Variants in NAIP observed in about 807,000 individuals in gnomAD.
NAIP encodes the protein NLR family apoptosis inhibitory protein.
Under a neutral mutation model 23.0 loss-of-function variants are expected in NAIP, and 15 were observed. The ratio of observed to expected loss-of-function variants is 0.65; its 90% CI spans 0.44 to 1.00. The LOEUF (loss-of-function observed/expected upper bound fraction) is 1.00. Among genes scored for constraint, NAIP ranks in the 50% least tolerant of loss-of-function variants. The pLI, the probability that NAIP is intolerant of heterozygous loss-of-function variation, is 0.00. For synonymous variants in NAIP, 100 were observed against 100.2 expected (o/e 1.00, Z 0.01); for missense variants, 265 against 278.8 (o/e 0.95, Z 0.35).
intron 3 of NAIP, among the ~76,000 whole-genome samples, chr5:71,015,297 T>A (rs1206816618): frequency 6.6e-6 from 1 of 150,846 alleles, no homozygotes; most frequent in African/African-American, 2.4e-5. Context: ...AAGGATCACT[T>A]GAGCCCAAGA....
chr5:71,016,185 G>A (rs1033276182), intron 3 of NAIP, among the ~76,000 whole-genome samples: 6 of 150,106 alleles, frequency 4.0e-5, no homozygotes, highest in African/African-American at 1.5e-4. Context: ...TCCTAACTAC[G>A]TGGGAGGCTG....
At chr5:70,977,665 C>CAAAA (rs1219760084) in intron 13 of NAIP, among the ~76,000 whole-genome samples, 6 of 77,502 alleles carry the variant, frequency 7.7e-5, no homozygotes, top group Non-Finnish European at 7.0e-5. Context: ...ACTGCATCTC[C>CAAAA]AAAAAAAAAA....
chr5:70,977,995 C>CAA (rs556331377), intron 13 of NAIP, among the ~76,000 whole-genome samples: 15 of 94,732 alleles, frequency 1.6e-4, no homozygotes, highest in South Asian at 1.3e-3. Context: ...GACTCTGTCT[C>CAA]AAAAAAAAAA....
At chr5:70,972,593 CT>C (rs1750202527) in intron 16 of NAIP, among the ~76,000 whole-genome samples, 1 of 27,774 alleles carries the variant, frequency 3.6e-5, no homozygotes, top group Non-Finnish European at 7.5e-5. Context: ...AGTAAGTTTT[CT>C]TTATTCAGTC....
intron 16 of NAIP, among the ~76,000 whole-genome samples, chr5:70,970,725 G>GCT (rs1750134493): frequency 4.7e-4 from 1 of 2,114 alleles, no homozygotes; most frequent in Non-Finnish European, 9.7e-4. Flanking sequence ...GCAGTGGCAT[G>GCT]ATCTCAGCTC....
intron 3 of NAIP, among the ~76,000 whole-genome samples, chr5:71,013,501 G>A (rs901124369): frequency 1.3e-5 from 2 of 150,714 alleles, no homozygotes; most frequent in African/African-American, 2.4e-5. Context: ...TTAGCCGGGC[G>A]TGGTGGCGGG....
At position 71,014,237 on chromosome 5, in the gene NAIP, A is replaced by C. The variant is rs144601917; in HGVS notation, c.-3-1319T>G. On this transcript the variant is annotated intron_variant, in intron 3 of 16. Transcript: ENST00000517649. Reference sequence around the variant, plus strand: ...CTCAGCCTCCTGAGTAGCTGGGATTACAGGCACGTGCCACCAATTGCGGCT... The same window carrying C: ...CTCAGCCTCCTGAGTAGCTGGGATTCCAGGCACGTGCCACCAATTGCGGCT... Among the ~76,000 whole-genome samples, 318 of 151,298 alleles carry C rather than the reference A, an allele frequency of 2.1e-3. 10 individuals carry two copies. Among genetic ancestry groups the C allele is most frequent in the African/African-American group, 7.5e-3 (311 of 41,290 alleles).
intron 3 of NAIP, 86 bp from the exon 4 acceptor site, chr5:71,013,004 A>AATT (rs1030619414): frequency 8.7e-7 from 1 of 1,153,272 alleles, no homozygotes; most frequent in Non-Finnish European, 1.2e-6. Flanking sequence ...AGAAACCAGG[A>AATT]ATTAAAGGAA....
chr5:71,011,437 T>C (rs1265983848), intron 4 of NAIP, 63 bp from the exon 5 acceptor site: 3 of 1,319,672 alleles, frequency 2.3e-6, no homozygotes, highest in East Asian at 2.4e-5. Context: ...GTACACAGAG[T>C]TGATTGTTTT....
intron 5 of NAIP, among the ~76,000 whole-genome samples, chr5:71,010,893 A>T (rs965455951): frequency 6.6e-6 from 1 of 151,184 alleles, no homozygotes; most frequent in Non-Finnish European, 1.5e-5. Context: ...TGAAGGTGCT[A>T]CTCCAGAAAG....
rs1488696642 is a variant in NAIP, at chr5:71,012,557, A to G, written c.359T>C (p.Phe120Ser). The G allele has an allele frequency of 1.2e-6, 2 of 1,611,794 alleles. No homozygotes were observed. Among genetic ancestry groups the G allele is most frequent in the South Asian group, 2.2e-5 (2 of 90,962 alleles). The change falls in exon 4 of 17, where the codon TTT (phenylalanine) becomes TCT (serine). Residue 120 changes from phenylalanine to serine, a missense_variant. By Grantham distance (155) the Phe-to-Ser change is radical (BLOSUM62 -2). This residue lies in a region of NAIP where 261 missense variants were observed against 259.2 expected (regional missense o/e 1.01). Coordinates refer to ENST00000517649, the MANE Select transcript of NAIP (RefSeq NM_004536.3). ...TRLPIEDHKRFHPDCGFLLNK... is the reference protein window; with the variant it reads ...TRLPIEDHKRSHPDCGFLLNK... ...CAAAAGGAACCCACAATCTGGATGA[A>G]ACCTCTTGTGGTCTTCTATGGGGAG...
rs1034454024 is a variant in NAIP, at chr5:71,012,879, A to G, written c.37T>C (p.Ser13Pro). 3 of 1,607,918 alleles carry G rather than the reference A, an allele frequency of 1.9e-6. 1 individual carries two copies. Among genetic ancestry groups the G allele is most frequent in the African/African-American group, 1.3e-5 (1 of 74,630 alleles). Residue 13 changes from serine to proline, a missense_variant, in exon 4 of 17, where the codon TCC becomes CCC. Coordinates refer to ENST00000517649, the MANE Select transcript of NAIP (RefSeq NM_004536.3). ...TQQKASDERI[S>P]QFDHNLLPEL... ...GGCAGCAAATTGTGATCAAACTGGG[A>G]GATCCTCTCGTCAGAGGCTTTCTGC...
chr5:71,012,045 G>A (rs373987465), intron 4 of NAIP, among the ~76,000 whole-genome samples: 7 of 151,522 alleles, frequency 4.6e-5, no homozygotes, highest in East Asian at 3.9e-4. Context: ...CAGGATGACC[G>A]CATGAGTTAT....
chr5:71,009,487 T>C (rs1751045619), intron 5 of NAIP, among the ~76,000 whole-genome samples: 1 of 151,184 alleles, frequency 6.6e-6, no homozygotes, highest in African/African-American at 2.4e-5. Flanking sequence ...GGCCAGGAAT[T>C]TCAGACCAGC....
At chr5:71,008,133 G>A (rs143841352) in intron 5 of NAIP, among the ~76,000 whole-genome samples, 98,621 of 138,286 alleles carry the variant, frequency 0.71, 35,608 homozygotes, top group East Asian at 0.9. Context: ...GCAGTGGTGC[G>A]ATCTCAGCTC....
At chr5:71,002,401 CTTTTTT>C (rs1157939944) in intron 6 of NAIP, among the ~76,000 whole-genome samples, 6 of 5,576 alleles carry the variant, frequency 1.1e-3, no homozygotes, top group African/African-American at 4.7e-3. Flanking sequence ...TGTTGGAGGT[CTTTTTT>C]TTTTTTTTTT....
chr5:71,011,235 A>C lies in NAIP; in HGVS notation c.668+40T>G, dbSNP rs554320411. 1.1e-3 allele frequency: 1,716 copies of C among 1,506,672 alleles called. 53 individuals carry two copies. The South Asian group carries it at 0.019, about 17-fold the overall frequency. The allele number at this position is 1,506,672 out of a possible 1,614,324, so 93.3% of individuals were successfully genotyped here. ...GTGGCAGAGCAAGACTGTCTCAAAA[A>C]AAAAAGAAAGAAACATTTAAGCAAA... is the stretch of plus-strand genomic sequence containing the variant. On this transcript the variant is annotated intron_variant, in intron 5 of 16. Transcript: ENST00000517649.
At chr5:71,014,432 C>A (rs1241532907) in intron 3 of NAIP, among the ~76,000 whole-genome samples, 1 of 151,464 alleles carries the variant, frequency 6.6e-6, no homozygotes, top group Non-Finnish European at 1.5e-5. Flanking sequence ...CAGACGTGAG[C>A]CACCACACCC....
In NAIP at chr5:71,009,040, A is replaced by G. The variant is rs1204142151; in HGVS notation, c.668+2235T>C. 2.3e-4 allele frequency among the ~76,000 whole-genome samples: 33 copies of G among 146,624 alleles called. 1 individual carries two copies. In the South Asian group the frequency reaches 7.1e-3, roughly 32 times the overall value. On this transcript the variant is annotated intron_variant, in intron 5 of 16. Coordinates refer to ENST00000517649, the MANE Select transcript of NAIP (RefSeq NM_004536.3). ...TGGATAAAGAGGAAATCTACGAATTAAAAATCTTAAGGGGCTGAGCACAGT... is the reference window on the plus strand; with the variant it reads ...TGGATAAAGAGGAAATCTACGAATTGAAAATCTTAAGGGGCTGAGCACAGT...
Sources: allele counts gnomAD v4.1 joint callset (sites outside exome capture counted in the v4.1 genomes callset), GRCh38; gene constraint gnomAD v4.1.1; regional missense constraint gnomAD v4.1.1; transcripts MANE v1.5; gene names NCBI Gene and HGNC (gene_info 2026-07-23, HGNC 2026-07-21).